The following ANK2 variants were observed in gnomAD, a reference collection of about 807,000 sequenced individuals.
The protein encoded by ANK2 is ankyrin 2.
In ANK2, 83 loss-of-function variants were observed where a neutral mutation model predicts 360.5. The ratio of observed to expected loss-of-function variants is 0.23; its 90% confidence interval spans 0.19 to 0.28. The LOEUF (loss-of-function observed/expected upper bound fraction) is 0.28. ANK2 is among the 10% of genes least tolerant of loss of function. The probability of loss-of-function intolerance (pLI) is 1.00; values close to 1 mark genes in which losing one functional copy is unlikely to be tolerated. For synonymous variants in ANK2, 1,740 were observed against 1,759.5 expected (o/e 0.99, Z 0.28); for missense variants, 4,201 against 4,795.7 (o/e 0.88, Z 3.66).
chr4:113,295,715 G>C (rs2070950821), intron 22 of ANK2, among the ~76,000 whole-genome samples: 1 of 152,170 alleles, frequency 6.6e-6, no homozygotes, highest in South Asian at 2.1e-4. Flanking sequence ...TCTCCTTTCA[G>C]TTAGGACACT....
At chr4:112,906,031 A>C (rs2085076184) in intron 2 of ANK2, among the ~76,000 whole-genome samples, 1 of 152,234 alleles carries the variant, frequency 6.6e-6, no homozygotes, top group Non-Finnish European at 1.5e-5. Flanking sequence ...TTATATGAAT[A>C]TATTCCAATA....
chr4:112,936,840 G>C (rs2093772089), intron 2 of ANK2, among the ~76,000 whole-genome samples: 1 of 152,060 alleles, frequency 6.6e-6, no homozygotes, highest in Non-Finnish European at 1.5e-5. Context: ...CCAGGCTGTA[G>C]TGCAGTGGCG....
chr4:113,373,682 A>G (rs764116299), intron 45 of ANK2: 12 of 715,292 alleles, frequency 1.7e-5, no homozygotes, highest in African/African-American at 1.6e-4. Context: ...CTTTTTAAAA[A>G]TATCTATTCT....
At chr4:113,141,533 C>T (rs923944753) in intron 1 of ANK2, 1 of 152,126 alleles carries the variant, frequency 6.6e-6, no homozygotes, top group African/African-American at 2.4e-5. Flanking sequence ...AAAATAGAAG[C>T]TCAGATTTGA....
chr4:112,820,917 A>G (rs1237615421), intron 1 of ANK2, among the ~76,000 whole-genome samples: 1 of 151,408 alleles, frequency 6.6e-6, no homozygotes, highest in African/African-American at 2.4e-5. Context: ...TTATTTATTT[A>G]TTTATTTTTT....
At position 113,369,521 on chromosome 4, in the gene ANK2, A is replaced by G. The variant is rs746620876; in HGVS notation, c.11326A>G (p.Thr3776Ala). The change falls in exon 43 of 46, where the codon ACT becomes GCT. Residue 3776 changes from threonine to alanine, a missense_variant. By Grantham distance (58) the Thr-to-Ala change is moderately conservative. Around this residue, in one of 4 missense-constraint regions of ANK2, gnomAD observed 2,642 missense variants for 2,714.5 expected, o/e 0.97. Coordinates refer to ENST00000357077, the MANE Select transcript of ANK2 (RefSeq NM_001148.6). Reference sequence around the variant, plus strand: ...TTGGCTTTTTGATTCCAGTGTGACAACTCCAGGAACAGAAACATCAGAGAC... The same window carrying G: ...TTGGCTTTTTGATTCCAGTGTGACAGCTCCAGGAACAGAAACATCAGAGAC... The part of the protein sequence containing the change: ...LEYQQEYFVT[T>A]PGTETSETQK... 52 of 1,613,636 alleles carry G rather than the reference A, an allele frequency of 3.2e-5. No individual in the cohort carries two copies. The highest frequency in any genetic ancestry group is 4.4e-5 in the Non-Finnish European group (52 of 1,180,008).
intron 1 of ANK2, among the ~76,000 whole-genome samples, chr4:112,875,003 G>A (rs371231795): frequency 6.6e-6 from 1 of 151,636 alleles, no homozygotes; most frequent in South Asian, 2.1e-4. Context: ...ATGAATGAAG[G>A]CCATTCTGAG....
At chr4:112,874,384 A>C (rs1420940366) in intron 1 of ANK2, among the ~76,000 whole-genome samples, 5 of 150,286 alleles carry the variant, frequency 3.3e-5, no homozygotes, top group Non-Finnish European at 5.9e-5. Flanking sequence ...CAACTGGCCC[A>C]CACTTTTAAA....
intron 1 of ANK2, 114 bp downstream of exon 1, chr4:113,049,926 C>T (rs1030778316): frequency 1.9e-5 from 25 of 1,294,918 alleles, no homozygotes; most frequent in Non-Finnish European, 2.6e-5. Context: ...TAACTGTAGA[C>T]GATAACAGTG....
chr4:112,856,094 A>T (rs1247998774), intron 1 of ANK2, among the ~76,000 whole-genome samples: 1 of 152,098 alleles, frequency 6.6e-6, no homozygotes, highest in Non-Finnish European at 1.5e-5. Flanking sequence ...AGGACTTTAC[A>T]TTTTTGGACT....
At chr4:113,017,215 A>G (rs976888240) in intron 2 of ANK2, among the ~76,000 whole-genome samples, 7 of 152,140 alleles carry the variant, frequency 4.6e-5, no homozygotes, top group African/African-American at 1.4e-4. Flanking sequence ...TATGAAAATT[A>G]TTTTATATTC....
intron 1 of ANK2, among the ~76,000 whole-genome samples, chr4:113,122,670 G>A (rs1582241252): frequency 1.3e-5 from 2 of 151,948 alleles, no homozygotes; most frequent in Admixed American, 1.3e-4. Context: ...AGTTTTATTG[G>A]TTTGCTCTTC....
chr4:113,171,768 AC>A (rs1254999899), intron 1 of ANK2, among the ~76,000 whole-genome samples: 5 of 152,266 alleles, frequency 3.3e-5, no homozygotes, highest in Middle Eastern at 3.4e-3. Context: ...AGTTATGAAA[AC>A]TTTTTGTTAC....
chr4:113,040,734 G>A (rs1045042840), intron 2 of ANK2, among the ~76,000 whole-genome samples: 1 of 152,010 alleles, frequency 6.6e-6, no homozygotes, highest in Non-Finnish European at 1.5e-5. Flanking sequence ...AAGCTCATCT[G>A]TGTGAAGATG....
At chr4:112,910,869 C>A (rs114296841) in intron 2 of ANK2, among the ~76,000 whole-genome samples, 1 of 152,058 alleles carries the variant, frequency 6.6e-6, no homozygotes, top group African/African-American at 2.4e-5. Context: ...TTTTTAATAC[C>A]CATTTGTGCT....
At chr4:112,774,890 A>G in the ANK2 span, among the ~76,000 whole-genome samples, 6 of 152,242 alleles carry the variant, frequency 3.9e-5, no homozygotes, top group African/African-American at 1.4e-4. Flanking sequence ...ACGGGACAAG[A>G]CTGATGCTTT....
chr4:113,280,776 C>A (rs3025723), intron 17 of ANK2, among the ~76,000 whole-genome samples: 2,668 of 152,244 alleles, frequency 0.018, 69 homozygotes, highest in African/African-American at 0.059. Context: ...TCCTCCATTG[C>A]CAGAATTGAC....
intron 2 of ANK2, among the ~76,000 whole-genome samples, chr4:112,949,634 G>T (rs2094799466): frequency 6.6e-6 from 1 of 152,114 alleles, no homozygotes; most frequent in South Asian, 2.1e-4. Flanking sequence ...AAAAATAATT[G>T]ATCTCTATTT....
At chr4:113,206,393 G>A (rs550362150) in intron 4 of ANK2, among the ~76,000 whole-genome samples, 11 of 152,100 alleles carry the variant, frequency 7.2e-5, no homozygotes, top group African/African-American at 1.4e-4. Context: ...TTCCAGCTCC[G>A]TCCATGTTCC....
Sources: gnomAD v4.1 joint callset for allele counts (sites outside exome capture counted in the v4.1 genomes callset) on GRCh38, gnomAD v4.1.1 for gene constraint, gnomAD v4.1.1 regional missense constraint, MANE v1.5 for transcripts, NCBI Gene and HGNC (gene_info 2026-07-23, HGNC 2026-07-21) for gene names.